The following RBM10 variants were observed in gnomAD, a reference collection of about 807,000 sequenced individuals.
RBM10 encodes the protein RNA binding motif protein 10, also known as RNA-binding protein 10.
A neutral mutation model predicts 84.9 loss-of-function variants in RBM10; 1 was observed. That is an observed-to-expected ratio of 0.01 (90% CI 0.00 to 0.06). RBM10 has a LOEUF of 0.06. Ranked by LOEUF, RBM10 falls within the 10% of genes least tolerant of loss-of-function variation. The pLI, the probability that RBM10 is intolerant of heterozygous loss-of-function variation, is 1.00. For synonymous variants in RBM10, 326 were observed against 344.5 expected, an observed-to-expected ratio of 0.95 and a Z score of 0.60; for missense variants, 438 against 839.0, an observed-to-expected ratio of 0.52 and a Z score of 5.90.
At chrX:47,181,155 TCCCCACC>T in intron 12 of RBM10, 53 bp from the exon 13 acceptor site, 1 of 131,789 alleles carries the variant, frequency 7.6e-6, no homozygotes, top group Non-Finnish European at 1.5e-5. Flanking sequence ...TCTAGCAGGT[TCCCCACC>T]CCCCACCCCC....
intron 2 of RBM10, chrX:47,156,770 G>T (rs782523780): frequency 2.1e-4 from 36 of 173,660 alleles, no homozygotes; most frequent in African/African-American, 1.1e-3. Context: ...TGGCCTTCCA[G>T]GGTGCATCCT....
intron 14 of RBM10, 48 bp downstream of exon 14, chrX:47,181,694 A>AG: frequency 8.3e-7 from 1 of 1,209,169 alleles, no homozygotes; most frequent in Non-Finnish European, 1.1e-6. Context: ...GGCAGGCGGC[A>AG]GGGGTGGCAT....
chrX:47,157,316 GT>G, intron 2 of RBM10: 1 of 335,019 alleles, frequency 3.0e-6, no homozygotes, highest in Non-Finnish European at 5.9e-6. Flanking sequence ...CGGTGTTGTG[GT>G]TGATGAAATT....
chrX:47,178,977 C>A, intron 7 of RBM10, 126 bp from the exon 8 acceptor site: 1 of 1,148,103 alleles, frequency 8.7e-7, no homozygotes, highest in Non-Finnish European at 1.2e-6. Context: ...AAGGCACCTG[C>A]CACCATTGCC....
chrX:47,178,196 A>G (rs1328980163), intron 7 of RBM10, among the ~76,000 whole-genome samples: 4 of 111,481 alleles, frequency 3.6e-5, no homozygotes, highest in African/African-American at 6.5e-5. Context: ...CAGCTTAAGC[A>G]TAAGATCCTC....
At chrX:47,158,652 T>A (rs1933381613) in intron 2 of RBM10, among the ~76,000 whole-genome samples, 1 of 111,766 alleles carries the variant, frequency 8.9e-6, no homozygotes, top group Non-Finnish European at 1.9e-5. Flanking sequence ...TCTGCCCCCC[T>A]CGGCCTCCCA....
chrX:47,145,662 T>G (rs1556761797), intron 1 of RBM10, 177 bp downstream of exon 1: 10 of 344,023 alleles, frequency 2.9e-5, no homozygotes, highest in East Asian at 1.1e-4. Flanking sequence ...TTTTTTTTTT[T>G]GGTGTGAGCA....
intron 5 of RBM10, among the ~76,000 whole-genome samples, chrX:47,173,636 C>G (rs987529602): frequency 8.9e-6 from 1 of 112,356 alleles, no homozygotes; most frequent in Non-Finnish European, 1.9e-5. Context: ...CATGTGTGTC[C>G]CAAGGGGGAA....
Position 47,145,375 on chromosome X carries a change from G to A in RBM10, c.-236G>A. On this transcript the variant is annotated 5_prime_UTR_variant, in exon 1 of 24. Transcript: ENST00000377604. ...CTCCCCCCGATCTGCCTCCAGTCTCGGACTTGGTTGTTGCGCGCTCCGGCT... is the reference window on the plus strand; with the variant it reads ...CTCCCCCCGATCTGCCTCCAGTCTCAGACTTGGTTGTTGCGCGCTCCGGCT... 9.3e-7 allele frequency: 1 copy of A among 1,072,463 alleles called. No homozygotes were observed. The highest frequency in any genetic ancestry group is 2.6e-5 in the Admixed American group (1 of 38,747). 88.4% of individuals were successfully genotyped at this position (1,072,463 alleles called of 1,213,427 possible).
chrX:47,146,239 T>G (rs1317505511), intron 1 of RBM10, among the ~76,000 whole-genome samples: 2 of 110,835 alleles, frequency 1.8e-5, no homozygotes, highest in Non-Finnish European at 3.8e-5. Flanking sequence ...TGGATGTTAC[T>G]GTGTGACTCT....
intron 2 of RBM10, among the ~76,000 whole-genome samples, chrX:47,150,917 G>T (rs1932766797): frequency 9.0e-6 from 1 of 111,634 alleles, no homozygotes; most frequent in African/African-American, 3.3e-5. Context: ...ATCTTTGTAA[G>T]TAGTCATTTC....
In RBM10 at chrX:47,169,353, C is replaced by G. The variant is rs1420226129; in HGVS notation, c.56C>G (p.Thr19Ser). Residue 19 changes from threonine to serine, a missense_variant, in exon 3 of 24, where the codon ACT becomes AGT. Thr to Ser is a moderately conservative substitution (Grantham distance 58). Transcript: ENST00000377604. ...GACAGGACTGGCCGCTATGGAGCCA[C>G]TGACCGCTCGCAGGATGATGGTGGG... ...RGDRTGRYGA[T>S]DRSQDDGGEN... 1.2e-5 allele frequency: 15 copies of G among 1,210,248 alleles called. No homozygotes were observed. The highest frequency in any genetic ancestry group is 1.7e-5 in the Non-Finnish European group (15 of 895,064).
In RBM10 at chrX:47,181,991, C is replaced by A. The variant is rs369261759; in HGVS notation, c.1734C>A (p.Ser578=). ...CTACCTACCAGTACGATGAGACCTC[C>A]GGCTACTACTATGACCCCCAGACCG... The part of the protein sequence containing the change: ...DVSTYQYDET[S]GYYYDPQTGL... Residue 578 remains serine (S), a synonymous_variant, in exon 16 of 24, where the codon TCC becomes TCA. Transcript: ENST00000377604. 71 of 1,209,238 alleles carry A rather than the reference C, an allele frequency of 5.9e-5. No homozygotes were observed. The highest frequency in any genetic ancestry group is 4.6e-4 in the Middle Eastern group (2 of 4,355).
In RBM10 at chrX:47,186,697, G is replaced by A. The variant is rs962028937; in HGVS notation, c.*98G>A. On this transcript the variant is annotated 3_prime_UTR_variant, in exon 24 of 24. Transcript: ENST00000377604. ...CTGGGACGGGGCCTTGCTCTTGTCG[G>A]CCAGCCCACTCCCCAGCCAGAGAGG... 1.7e-5 allele frequency: 18 copies of A among 1,058,823 alleles called. No homozygotes were observed. In the African/African-American group the frequency reaches 2.4e-4, roughly 14 times the overall value. 87.3% of individuals were successfully genotyped at this position (1,058,823 alleles called of 1,213,427 possible). A position where few individuals can be genotyped will look rare whatever the true frequency, so the allele number is the denominator to read the frequency against.
chrX:47,155,690 C>T (rs1241427758), intron 2 of RBM10, among the ~76,000 whole-genome samples: 3 of 94,222 alleles, frequency 3.2e-5, no homozygotes, highest in Admixed American at 1.2e-4. Context: ...CCGAGATCGC[C>T]ACTGCACTCC....
intron 2 of RBM10, among the ~76,000 whole-genome samples, chrX:47,149,016 G>A (rs956785920): frequency 2.7e-5 from 3 of 109,526 alleles, no homozygotes; most frequent in Non-Finnish European, 5.7e-5. Context: ...ATAGATACAT[G>A]TATCATATAA....
intron 6 of RBM10, among the ~76,000 whole-genome samples, chrX:47,175,709 G>T (rs988920558): frequency 6.3e-5 from 7 of 110,977 alleles, no homozygotes; most frequent in Non-Finnish European, 9.5e-5. Context: ...CTCGCAGGAG[G>T]CACCACCTCA....
At chrX:47,161,415 G>A (rs1006723028) in intron 2 of RBM10, among the ~76,000 whole-genome samples, 3 of 109,588 alleles carry the variant, frequency 2.7e-5, no homozygotes, top group African/African-American at 1.0e-4. Context: ...TTTGTATGCT[G>A]TAGATTCTAT....
chrX:47,163,859 A>ATTT (rs35919377), intron 2 of RBM10, among the ~76,000 whole-genome samples: 1,031 of 40,086 alleles, frequency 0.026, 169 homozygotes, highest in African/African-American at 0.092. Context: ...CGCCTGGCTA[A>ATTT]TTTTTTTTTT....
Sources: allele counts gnomAD v4.1 joint callset (sites outside exome capture counted in the v4.1 genomes callset), GRCh38; gene constraint gnomAD v4.1.1; transcripts MANE v1.5; gene names NCBI Gene and HGNC (gene_info 2026-07-23, HGNC 2026-07-21).